Variants in SYCP1 observed in about 807,000 individuals in gnomAD.
The protein encoded by SYCP1 is synaptonemal complex protein 1.
Under a neutral mutation model 153.1 loss-of-function variants are expected in SYCP1, and 64 were observed. That is an observed-to-expected ratio of 0.42 (90% confidence interval 0.34 to 0.51). The LOEUF (loss-of-function observed/expected upper bound fraction) is 0.51, where lower values mean the gene tolerates loss of function less well. SYCP1 is among the 20% of genes least tolerant of loss of function. SYCP1 has a pLI of 0.06. For synonymous variants in SYCP1, 384 were observed against 341.8 expected (o/e 1.12, Z -1.36); for missense variants, 997 against 1,049.0 (o/e 0.95, Z 0.68).
intron 8 of SYCP1, among the ~76,000 whole-genome samples, chr1:114,861,540 C>G (rs1206412349): frequency 6.6e-6 from 1 of 152,076 alleles, no homozygotes; most frequent in Non-Finnish European, 1.5e-5. Context: ...TACTACTTAA[C>G]AGCTTGGGCT....
At chr1:114,857,637 T>A in intron 5 of SYCP1, 140 bp downstream of exon 5, 1 of 618,524 alleles carries the variant, frequency 1.6e-6, no homozygotes. Context: ...CCTTTTTTTC[T>A]GCTTCTGTAT....
chr1:114,907,527 C>A (rs928655241), intron 16 of SYCP1, among the ~76,000 whole-genome samples: 2 of 151,290 alleles, frequency 1.3e-5, no homozygotes, highest in African/African-American at 2.4e-5. Flanking sequence ...AGCATGTATC[C>A]ATTACCTTGT....
At chr1:114,944,821 G>GT in intron 24 of SYCP1, 51 bp from the exon 25 acceptor site, 1 of 1,293,600 alleles carries the variant, frequency 7.7e-7, no homozygotes, top group South Asian at 1.4e-5. Flanking sequence ...ACACTTGTTT[G>GT]TTTTTTGTGC....
intron 23 of SYCP1, among the ~76,000 whole-genome samples, chr1:114,935,321 A>T (rs1669922797): frequency 7.9e-6 from 1 of 127,052 alleles, no homozygotes; most frequent in Non-Finnish European, 1.9e-5. Context: ...GTACATAACG[A>T]AATGAAGGCA....
chr1:114,868,229 C>G (rs967596486), intron 8 of SYCP1, among the ~76,000 whole-genome samples: 6 of 151,676 alleles, frequency 4.0e-5, no homozygotes, highest in Admixed American at 2.6e-4. Flanking sequence ...GCCTTGAACT[C>G]CTGGGCTTAA....
chr1:114,974,041 G>T (rs1235104434), intron 27 of SYCP1, among the ~76,000 whole-genome samples: 1 of 151,418 alleles, frequency 6.6e-6, no homozygotes, highest in African/African-American at 2.4e-5. Flanking sequence ...GCTTTATCTG[G>T]TATTCATATT....
At chr1:114,937,413 T>G (rs1175382071) in intron 23 of SYCP1, among the ~76,000 whole-genome samples, 1 of 152,198 alleles carries the variant, frequency 6.6e-6, no homozygotes, top group Non-Finnish European at 1.5e-5. Flanking sequence ...ATTAAAGACT[T>G]AAATGTTAGA....
chr1:114,956,583 T>C (rs1398146213), intron 27 of SYCP1, among the ~76,000 whole-genome samples: 1 of 152,118 alleles, frequency 6.6e-6, no homozygotes, highest in Non-Finnish European at 1.5e-5. Flanking sequence ...ATCTTGCCCA[T>C]GCAGAGACCT....
chr1:114,931,435 C>G (rs771843011), intron 23 of SYCP1, among the ~76,000 whole-genome samples: 1 of 152,008 alleles, frequency 6.6e-6, no homozygotes, highest in Non-Finnish European at 1.5e-5. Flanking sequence ...TTTCTATATG[C>G]TAACAGCTAG....
chr1:114,905,411 A>G (rs1271296352), intron 16 of SYCP1, among the ~76,000 whole-genome samples: 1 of 152,148 alleles, frequency 6.6e-6, no homozygotes, highest in African/African-American at 2.4e-5. Flanking sequence ...AGGATTATAT[A>G]CCTTAGAGGA....
chr1:114,921,019 C>T (rs532743093), intron 20 of SYCP1, among the ~76,000 whole-genome samples: 16 of 151,930 alleles, frequency 1.1e-4, no homozygotes, highest in African/African-American at 1.9e-4. Context: ...CTAGCCATTT[C>T]GTTATTTGTT....
chr1:114,945,055 A>AAAGTAATAGCT, intron 25 of SYCP1, 73 bp downstream of exon 25: 1 of 1,079,672 alleles, frequency 9.3e-7, no homozygotes, highest in Non-Finnish European at 1.3e-6. Flanking sequence ...GGTGAAATCA[A>AAAGTAATAGCT]GATAGTATTC....
At chr1:114,957,601 A>C (rs957450965) in intron 27 of SYCP1, among the ~76,000 whole-genome samples, 2 of 152,148 alleles carry the variant, frequency 1.3e-5, no homozygotes, top group African/African-American at 2.4e-5. Context: ...ATAGCAAAAA[A>C]CCCCAAATTA....
intron 19 of SYCP1, among the ~76,000 whole-genome samples, chr1:114,913,578 G>A (rs1668322844): frequency 6.6e-6 from 1 of 152,070 alleles, no homozygotes; most frequent in Non-Finnish European, 1.5e-5. Context: ...GGTGCTATCA[G>A]AGTTTGCAGG....
intron 30 of SYCP1, among the ~76,000 whole-genome samples, chr1:114,992,080 G>A (rs191703602): frequency 5.3e-5 from 8 of 151,530 alleles, no homozygotes; most frequent in African/African-American, 9.7e-5. Flanking sequence ...TAAATACTTA[G>A]GAACAAATCT....
chr1:114,955,260 A>G (rs1671363383), intron 27 of SYCP1, among the ~76,000 whole-genome samples: 1 of 152,130 alleles, frequency 6.6e-6, no homozygotes, highest in South Asian at 2.1e-4. Flanking sequence ...TGTATGACAT[A>G]TACATATGGA....
At position 114,918,852 on chromosome 1, in the gene SYCP1, T is replaced by G. The variant is rs532351836; in HGVS notation, c.1719-4597T>G. ...TTTTATCCTGAAACTTTCCTGAATT[T>G]GCTTATTAGTTCTAATAGTTTTTTG... On this transcript the variant is annotated intron_variant, in intron 20 of 31. Coordinates refer to ENST00000369522, the MANE Select transcript of SYCP1 (RefSeq NM_003176.4). Among the ~76,000 whole-genome samples the G allele has an allele frequency of 5.3e-5, 8 of 152,192 alleles. No homozygotes were observed. In the South Asian group the frequency reaches 1.5e-3, roughly 28 times the overall value.
intron 27 of SYCP1, among the ~76,000 whole-genome samples, chr1:114,961,354 T>G (rs1373614595): frequency 1.2e-4 from 19 of 152,230 alleles, no homozygotes; most frequent in Non-Finnish European, 2.9e-5. Flanking sequence ...TATGCTCTGA[T>G]CTTTGTAATT....
chr1:114,857,547 T>C, intron 5 of SYCP1, 50 bp downstream of exon 5: 2 of 1,305,246 alleles, frequency 1.5e-6, no homozygotes, highest in Admixed American at 2.0e-5. Flanking sequence ...GGAATATAAC[T>C]TATTACCTAT....
Sources: allele counts gnomAD v4.1 joint callset (sites outside exome capture counted in the v4.1 genomes callset), GRCh38; gene constraint gnomAD v4.1.1; transcripts MANE v1.5; gene names NCBI Gene and HGNC (gene_info 2026-07-23, HGNC 2026-07-21).